Variants in KHDRBS2 observed in about 807,000 individuals in gnomAD.
The protein encoded by KHDRBS2 is KH domain-containing, RNA-binding, signal transduction-associated protein 2.
KHDRBS2 carries 26 observed loss-of-function variants against 44.3 expected under a neutral mutation model. That is an observed-to-expected ratio of 0.59 (90% CI 0.43 to 0.81). The LOEUF is 0.81. Among genes scored for constraint, KHDRBS2 ranks in the 40% least tolerant of loss-of-function variants. The pLI, the probability that KHDRBS2 is intolerant of heterozygous loss-of-function variation, is 0.00. For missense variants in KHDRBS2, 476 were observed against 433.1 expected, an observed-to-expected ratio of 1.10 and a Z score of -0.88; for synonymous variants, 194 against 151.1, an observed-to-expected ratio of 1.28 and a Z score of -2.08.
rs541987584 is a variant in KHDRBS2 at position 61,680,764 on chromosome 6, G to T, written c.*199C>A. 4.2e-4 allele frequency: 174 copies of T among 419,054 alleles called. 2 individuals are homozygous for T. The South Asian group carries it at 8.3e-3, about 20-fold the overall frequency. 26.0% of individuals were successfully genotyped at this position (419,054 alleles called of 1,614,324 possible). Reference sequence around the variant, plus strand: ...GCTAATGTCTTTTTCAGTCTGTTTTGTAAAATAATACTAGTGTCAATGTCA... The same window carrying T: ...GCTAATGTCTTTTTCAGTCTGTTTTTTAAAATAATACTAGTGTCAATGTCA... On this transcript the variant is annotated 3_prime_UTR_variant, in exon 9 of 9. Coordinates refer to ENST00000281156, the MANE Select transcript of KHDRBS2 (RefSeq NM_152688.4).
intron 6 of KHDRBS2, among the ~76,000 whole-genome samples, chr6:61,829,098 C>G (rs1361148250): frequency 6.6e-6 from 1 of 152,098 alleles, no homozygotes; most frequent in Admixed American, 6.6e-5. Context: ...CACAGATGTA[C>G]GTTTTAGTGT....
chr6:62,141,506 A>C (rs1459674010), intron 2 of KHDRBS2, among the ~76,000 whole-genome samples: 10 of 152,156 alleles, frequency 6.6e-5, no homozygotes, highest in African/African-American at 2.4e-4. Context: ...AATACATTTG[A>C]GTGTTAGTGA....
At chr6:61,955,735 G>T (rs201026365) in intron 4 of KHDRBS2, among the ~76,000 whole-genome samples, 1 of 92,990 alleles carries the variant, frequency 1.1e-5, no homozygotes, top group African/African-American at 4.3e-5. Flanking sequence ...TATATAGACA[G>T]AGAGAGAGGT....
At chr6:61,743,295 G>GTA (rs939277301) in intron 6 of KHDRBS2, among the ~76,000 whole-genome samples, 4 of 152,048 alleles carry the variant, frequency 2.6e-5, no homozygotes, top group African/African-American at 9.7e-5. Flanking sequence ...GGCATGTTCT[G>GTA]TATCTTTACA....
chr6:61,899,808 C>T (rs1215730371), intron 5 of KHDRBS2, among the ~76,000 whole-genome samples: 7 of 141,536 alleles, frequency 4.9e-5, no homozygotes, highest in East Asian at 4.4e-4. Context: ...TTTATACTTA[C>T]GTTCAACCAC....
intron 6 of KHDRBS2, among the ~76,000 whole-genome samples, chr6:61,787,129 C>G (rs959785383): frequency 8.0e-5 from 12 of 149,968 alleles, no homozygotes; most frequent in African/African-American, 2.9e-4. Flanking sequence ...CATAGAGTTA[C>G]GGTGTTGTTA....
chr6:61,866,784 C>A (rs1197494603), intron 6 of KHDRBS2, among the ~76,000 whole-genome samples: 1 of 152,130 alleles, frequency 6.6e-6, no homozygotes, highest in African/African-American at 2.4e-5. Context: ...TTCAAAGTTC[C>A]ACAAATATTT....
intron 6 of KHDRBS2, among the ~76,000 whole-genome samples, chr6:61,817,593 T>A (rs538335240): frequency 1.3e-4 from 20 of 152,162 alleles, no homozygotes; most frequent in Non-Finnish European, 1.9e-4. Flanking sequence ...ACCTTCGATT[T>A]TGGAGAGAAT....
chr6:61,611,027 T>C, the KHDRBS2 span, among the ~76,000 whole-genome samples: 2 of 152,350 alleles, frequency 1.3e-5, no homozygotes, highest in East Asian at 3.9e-4. Flanking sequence ...TATTCATATC[T>C]AGATGGAAAC....
At position 61,708,379 on chromosome 6, in the gene KHDRBS2, T is replaced by C. The variant is rs35395968; in HGVS notation, c.894-11126A>G. Among the ~76,000 whole-genome samples, 9 of 151,754 alleles carry C rather than the reference T, an allele frequency of 5.9e-5. No homozygotes were observed. The East Asian group carries it at 1.7e-3, about 29-fold the overall frequency. ...AAAAAATATTAAATAAAATATATTGTCTTTTTGCATGTATATGTTTCAATC... is the reference window on the plus strand; with the variant it reads ...AAAAAATATTAAATAAAATATATTGCCTTTTTGCATGTATATGTTTCAATC... On this transcript the variant is annotated intron_variant, in intron 7 of 8. Transcript: ENST00000281156.
intron 2 of KHDRBS2, among the ~76,000 whole-genome samples, chr6:62,171,743 T>C (rs770144144): frequency 3.3e-5 from 5 of 152,134 alleles, no homozygotes; most frequent in Non-Finnish European, 5.9e-5. Flanking sequence ...GCAGTAACCC[T>C]GTAAGCCAGA....
At chr6:62,187,684 ATGGTT>A (rs1328738658) in intron 1 of KHDRBS2, among the ~76,000 whole-genome samples, 1 of 151,940 alleles carries the variant, frequency 6.6e-6, no homozygotes, top group East Asian at 1.9e-4. Flanking sequence ...TGTGTGTGCT[ATGGTT>A]TGGTTTAATT....
At chr6:61,729,023 C>A (rs1196433667) in intron 7 of KHDRBS2, among the ~76,000 whole-genome samples, 8 of 152,058 alleles carry the variant, frequency 5.3e-5, no homozygotes, top group Non-Finnish European at 1.2e-4. Flanking sequence ...AAGACACATG[C>A]ACTTGTATGT....
At chr6:61,946,283 T>G (rs1175880834) in intron 4 of KHDRBS2, among the ~76,000 whole-genome samples, 1 of 152,190 alleles carries the variant, frequency 6.6e-6, no homozygotes, top group Non-Finnish European at 1.5e-5. Flanking sequence ...AATATCATAA[T>G]GAAAGAATAG....
the KHDRBS2 span, among the ~76,000 whole-genome samples, chr6:61,569,185 A>C: frequency 6.6e-6 from 1 of 151,850 alleles, no homozygotes; most frequent in Middle Eastern, 3.4e-3. Flanking sequence ...CTGGAACATA[A>C]CTCCATGGGT....
At chr6:62,023,481 G>A (rs1782711325) in intron 3 of KHDRBS2, among the ~76,000 whole-genome samples, 1 of 151,276 alleles carries the variant, frequency 6.6e-6, no homozygotes, top group Non-Finnish European at 1.5e-5. Context: ...CTCTTTTCTA[G>A]TTTCTTGTTT....
At chr6:61,723,493 A>G (rs1773039498) in intron 7 of KHDRBS2, among the ~76,000 whole-genome samples, 1 of 151,960 alleles carries the variant, frequency 6.6e-6, no homozygotes, top group South Asian at 2.1e-4. Context: ...ATTATAATAA[A>G]ACAATACAGA....
the KHDRBS2 span, among the ~76,000 whole-genome samples, chr6:61,674,088 G>A: frequency 6.6e-6 from 1 of 151,694 alleles, no homozygotes; most frequent in Non-Finnish European, 1.5e-5. Flanking sequence ...TCTTAAATGT[G>A]AAAATGGAAT....
At chr6:61,859,023 GGTGAA>G (rs1562316829) in intron 6 of KHDRBS2, among the ~76,000 whole-genome samples, 2 of 151,668 alleles carry the variant, frequency 1.3e-5, no homozygotes, top group African/African-American at 4.8e-5. Flanking sequence ...TGAGAAATTC[GGTGAA>G]AGCTCTTTTA....
Sources: allele counts gnomAD v4.1 joint callset (sites outside exome capture counted in the v4.1 genomes callset), GRCh38; gene constraint gnomAD v4.1.1; transcripts MANE v1.5; gene names NCBI Gene and HGNC (gene_info 2026-07-23, HGNC 2026-07-21).